The following ABCB1 variants were observed in gnomAD, a reference collection of about 807,000 sequenced individuals.
ABCB1 encodes the protein ATP-dependent translocase ABCB1.
A neutral mutation model predicts 142.0 loss-of-function variants in ABCB1; 69 were observed. The observed-to-expected ratio is 0.49, with a 90% confidence interval of 0.40 to 0.59. The LOEUF (loss-of-function observed/expected upper bound fraction) is 0.59. Ranked by LOEUF, ABCB1 falls within the 20% of genes least tolerant of loss-of-function variation. The pLI, the probability that ABCB1 is intolerant of heterozygous loss-of-function variation, is 0.00. For missense variants in ABCB1, 1,326 were observed against 1,554.7 expected (o/e 0.85, Z 2.47); for synonymous variants, 532 against 539.2 (o/e 0.99, Z 0.18).
chr7:87,511,050 G>T (rs941658133), intron 25 of ABCB1, among the ~76,000 whole-genome samples: 1 of 152,056 alleles, frequency 6.6e-6, no homozygotes, highest in African/African-American at 2.4e-5. Context: ...ATAATCACAG[G>T]CAAATCTGAA....
Position 87,639,885 on chromosome 7 carries a change from A to G in ABCB1, c.-330-38807T>C, listed in dbSNP as rs543089912. On this transcript the variant is annotated intron_variant, in intron 1 of 28. Transcript: ENST00000265724. ...TATTTAGCCCATTTTAATTAACGTT[A>G]TTACTATTATATTTGGATTTATAGC... Among the ~76,000 whole-genome samples, 20 of 151,756 alleles carry G rather than the reference A, an allele frequency of 1.3e-4. No homozygotes were observed. The South Asian group carries it at 3.3e-3, about 25-fold the overall frequency.
At chr7:87,573,566 T>C (rs1818144398) in intron 4 of ABCB1, among the ~76,000 whole-genome samples, 1 of 152,212 alleles carries the variant, frequency 6.6e-6, no homozygotes, top group Non-Finnish European at 1.5e-5. Flanking sequence ...TAGGTCTTCA[T>C]ATTGTCCCCA....
intron 17 of ABCB1, among the ~76,000 whole-genome samples, 194 bp downstream of exon 17, chr7:87,543,935 C>A (rs1279891432): frequency 6.6e-6 from 1 of 152,160 alleles, no homozygotes; most frequent in African/African-American, 2.4e-5. Flanking sequence ...ACTGTGATGA[C>A]AAAGGAAGGT....
chr7:87,605,205 CG>C (rs992909456), upstream of ABCB1, among the ~76,000 whole-genome samples: 3 of 152,106 alleles, frequency 2.0e-5, no homozygotes, highest in African/African-American at 7.2e-5. Context: ...ATAATCCAGG[CG>C]CACTGCAACC....
intron 4 of ABCB1, among the ~76,000 whole-genome samples, chr7:87,578,759 T>C (rs1382299940): frequency 1.3e-5 from 2 of 148,910 alleles, no homozygotes; most frequent in Admixed American, 1.4e-4. Flanking sequence ...AGTGGCGGGA[T>C]CTCGGCTCAC....
intron 1 of ABCB1, among the ~76,000 whole-genome samples, chr7:87,677,646 C>T (rs147992942): frequency 1.4e-4 from 21 of 152,100 alleles, no homozygotes; most frequent in African/African-American, 5.1e-4. Context: ...GTGTTCTCAC[C>T]ATACATACAC....
chr7:87,514,498 T>C (rs1007525703), intron 25 of ABCB1, among the ~76,000 whole-genome samples: 2 of 152,124 alleles, frequency 1.3e-5, no homozygotes, highest in African/African-American at 4.8e-5. Flanking sequence ...ATTTGTTGAT[T>C]CTACTTTTTT....
intron 9 of ABCB1, among the ~76,000 whole-genome samples, chr7:87,551,517 G>T (rs1470688675): frequency 6.6e-6 from 1 of 152,060 alleles, no homozygotes; most frequent in Non-Finnish European, 1.5e-5. Flanking sequence ...TTTAAGACAA[G>T]GTCTTGCTTT....
At position 87,504,425 on chromosome 7, in the gene ABCB1, C is replaced by G. The variant is rs768613690; in HGVS notation, c.3661G>C (p.Ala1221Pro). Residue 1221 changes from alanine to proline, a missense_variant, in exon 28 of 28, where the codon GCC (alanine) becomes CCC (proline). By Grantham distance (27) the Ala-to-Pro change is conservative. Coordinates refer to ENST00000622132, the MANE Select transcript of ABCB1 (RefSeq NM_001348946.2). Reference protein sequence around the residue: ...EKVVQEALDKAREGRTCIVIA... With the variant: ...EKVVQEALDKPREGRTCIVIA... ...ACAATGCAGGTGCGGCCTTCTCTGG[C>G]TTTGTCCAGGGCTTCTTGGACAACC... 1 of 1,614,130 alleles carries G rather than the reference C, an allele frequency of 6.2e-7. No individual in the cohort carries two copies. Among genetic ancestry groups the G allele is most frequent in the South Asian group, 1.1e-5 (1 of 91,078 alleles).
rs75752245 is a variant in ABCB1, at chr7:87,615,070, C to T, written c.-330-13992G>A. On this transcript the variant is annotated intron_variant, in intron 1 of 28. Transcript: ENST00000265724. ...CCGTGTTAGCCAGGATGGTCTTGAT[C>T]TCCTGACCCGCCCGCCTCGGCCTCC... Among the ~76,000 whole-genome samples, 486 of 152,288 alleles carry T rather than the reference C, an allele frequency of 3.2e-3. 3 individuals are homozygous for T. The highest frequency in any genetic ancestry group is 0.011 in the African/African-American group (457 of 41,564).
rs755363799 is a variant in ABCB1, at chr7:87,628,895, G to C, written c.-330-27817C>G. On this transcript the variant is annotated intron_variant, in intron 1 of 28. Coordinates refer to the ABCB1 transcript ENST00000265724. ...GCGGCGGAGGCGGCAAGAAAAGCCT[G>C]AGCGCCCGCAATGCTGCGGTGGAGA... The C allele has an allele frequency of 6.9e-6, 9 of 1,304,124 alleles. No homozygotes were observed. In the South Asian group the frequency reaches 2.4e-4, roughly 34 times the overall value. The allele number at this position is 1,304,124 out of a possible 1,614,324, so 80.8% of individuals were successfully genotyped here. A position where few individuals can be genotyped will look rare whatever the true frequency, so the allele number is the denominator to read the frequency against.
intron 21 of ABCB1, chr7:87,522,155 G>T: frequency 7.0e-7 from 1 of 1,437,342 alleles, no homozygotes; most frequent in South Asian, 1.1e-5. Flanking sequence ...GGTGGCAGCT[G>T]TGGTGGTGGT....
intron 14 of ABCB1, among the ~76,000 whole-genome samples, chr7:87,547,041 T>C (rs896933789): frequency 2.6e-5 from 4 of 152,216 alleles, no homozygotes; most frequent in Non-Finnish European, 5.9e-5. Context: ...GTCTCTTTTA[T>C]TTTCATAAAG....
At chr7:87,555,117 T>A (rs1046092651) in intron 8 of ABCB1, among the ~76,000 whole-genome samples, 4 of 152,204 alleles carry the variant, frequency 2.6e-5, no homozygotes, top group Admixed American at 1.3e-4. Context: ...CAGAGAAGAC[T>A]ACTCTGTTTA....
Position 87,673,935 on chromosome 7 carries a change from G to T in ABCB1, c.-331+39226C>A, listed in dbSNP as rs1204378917. Among the ~76,000 whole-genome samples, 6 of 152,224 alleles carry T rather than the reference G, an allele frequency of 3.9e-5. No individual in the cohort carries two copies. The East Asian group carries it at 9.7e-4, about 24-fold the overall frequency. On this transcript the variant is annotated intron_variant, in intron 1 of 28. Transcript: ENST00000265724. ...GGTGTTTGATTGTGATATAAGGTAG[G>T]TTCAGTCAATTGGCTTCATTTCTGG...
chr7:87,576,647 C>G lies in ABCB1; in HGVS notation c.287-6424G>C, dbSNP rs1388161833. The stretch of plus-strand genomic sequence containing the variant: ...AGGCTTGGGGCTCCCATTCTTTCTA[C>G]TTTTCTCCATATTCTATCCCAGAGG... On this transcript the variant is annotated intron_variant, in intron 4 of 27. Transcript: ENST00000622132. Among the ~76,000 whole-genome samples the G allele has an allele frequency of 2.6e-5, 4 of 151,712 alleles. No individual in the cohort carries two copies. The South Asian group carries it at 8.3e-4, about 31-fold the overall frequency.
chr7:87,519,543 G>A, intron 22 of ABCB1, 77 bp from the exon 23 acceptor site: 1 of 1,578,454 alleles, frequency 6.3e-7, no homozygotes, highest in South Asian at 1.1e-5. Flanking sequence ...TAGGTTGGCA[G>A]TAGGGCACAG....
At chr7:87,613,763 T>C (rs1436068345) in intron 1 of ABCB1, among the ~76,000 whole-genome samples, 1 of 152,154 alleles carries the variant, frequency 6.6e-6, no homozygotes, top group Non-Finnish European at 1.5e-5. Flanking sequence ...ACCTGGGCCA[T>C]GGGATCTTTC....
intron 7 of ABCB1, among the ~76,000 whole-genome samples, chr7:87,562,436 A>T (rs1317896101): frequency 2.0e-5 from 3 of 152,140 alleles, no homozygotes; most frequent in Non-Finnish European, 2.9e-5. Context: ...CTTAACAAAC[A>T]TCTGTAGAAT....
Sources: gnomAD v4.1 joint callset for allele counts (sites outside exome capture counted in the v4.1 genomes callset) on GRCh38, gnomAD v4.1.1 for gene constraint, MANE v1.5 for transcripts, NCBI Gene and HGNC (gene_info 2026-07-23, HGNC 2026-07-21) for gene names.